Variants in HDX observed in about 807,000 individuals in gnomAD.
The protein encoded by HDX is highly divergent homeobox.
A neutral mutation model predicts 45.2 loss-of-function variants in HDX; 19 were observed. The observed-to-expected ratio is 0.42, with a 90% confidence interval of 0.29 to 0.62. The LOEUF (loss-of-function observed/expected upper bound fraction) is 0.62. HDX is among the 20% of genes least tolerant of loss of function. HDX has a pLI of 0.20. For missense variants in HDX, 532 were observed against 493.9 expected, an observed-to-expected ratio of 1.08 and a Z score of -0.73; for synonymous variants, 188 against 172.8, an observed-to-expected ratio of 1.09 and a Z score of -0.69.
At chrX:84,399,633 G>C (rs1219609050) in intron 5 of HDX, among the ~76,000 whole-genome samples, 1 of 111,285 alleles carries the variant, frequency 9.0e-6, no homozygotes, top group African/African-American at 3.3e-5. Flanking sequence ...TCTACCAGAG[G>C]TACAACAAGG....
At chrX:84,373,446 G>A (rs1218283046) in intron 5 of HDX, among the ~76,000 whole-genome samples, 2 of 111,001 alleles carry the variant, frequency 1.8e-5, no homozygotes, top group Non-Finnish European at 3.8e-5. Flanking sequence ...GCCTGGCAGA[G>A]ACACAACCAA....
In HDX at chrX:84,332,323, C is replaced by G. The variant is rs768487371; in HGVS notation, c.1824+1436G>C. 3.6e-5 allele frequency among the ~76,000 whole-genome samples: 4 copies of G among 111,722 alleles called. No homozygotes were observed. In the East Asian group the frequency reaches 1.1e-3, roughly 32 times the overall value. ...CTTACATAAAACATATTTAAAAAAT[C>G]CCTAATGGGGTAGTGAATGACCCCT... On this transcript the variant is annotated intron_variant, in intron 9 of 10. Coordinates refer to ENST00000373177, the MANE Select transcript of HDX (RefSeq NM_001177479.2).
At chrX:84,446,063 T>C (rs1201322267) in intron 4 of HDX, among the ~76,000 whole-genome samples, 1 of 111,281 alleles carries the variant, frequency 9.0e-6, no homozygotes, top group South Asian at 3.7e-4. Context: ...ACCAAATTCG[T>C]CCTACTGATT....
At chrX:84,415,765 G>C (rs1175929994) in intron 5 of HDX, among the ~76,000 whole-genome samples, 1 of 112,091 alleles carries the variant, frequency 8.9e-6, no homozygotes, top group Non-Finnish European at 1.9e-5. Flanking sequence ...CTGTCCATTT[G>C]ATAATAAGTA....
At chrX:84,335,489 T>G (rs1232755572) in intron 8 of HDX, among the ~76,000 whole-genome samples, 1 of 111,431 alleles carries the variant, frequency 9.0e-6, no homozygotes, top group Non-Finnish European at 1.9e-5. Context: ...ATGCCATGGC[T>G]TCATTCATTA....
At chrX:84,356,693 C>G (rs927488623) in intron 6 of HDX, among the ~76,000 whole-genome samples, 9 of 101,489 alleles carry the variant, frequency 8.9e-5, no homozygotes, top group East Asian at 3.1e-4. Context: ...CGCGATCTCG[C>G]CTCACTGCAA....
intron 7 of HDX, among the ~76,000 whole-genome samples, chrX:84,337,551 TA>T (rs1265775572): frequency 9.0e-6 from 1 of 111,628 alleles, no homozygotes; most frequent in Non-Finnish European, 1.9e-5. Flanking sequence ...ATCTATGATA[TA>T]AAACCATAAA....
intron 1 of HDX, among the ~76,000 whole-genome samples, chrX:84,498,297 G>A (rs1384587467): frequency 8.9e-6 from 1 of 111,894 alleles, no homozygotes; most frequent in Admixed American, 9.5e-5. Context: ...GTTGGCACAA[G>A]AATGACCTCA....
At chrX:84,411,664 T>C (rs2038988998) in intron 5 of HDX, among the ~76,000 whole-genome samples, 1 of 111,384 alleles carries the variant, frequency 9.0e-6, no homozygotes, top group South Asian at 3.8e-4. Context: ...GAAAGCTCTC[T>C]AGATTTCTAT....
intron 4 of HDX, among the ~76,000 whole-genome samples, chrX:84,460,300 C>T (rs1046045085): frequency 7.2e-5 from 8 of 111,680 alleles, no homozygotes; most frequent in Admixed American, 2.9e-4. Context: ...CAACAAAATA[C>T]TAGCAAATCG....
At chrX:84,474,424 A>G (rs1178725184) in intron 3 of HDX, among the ~76,000 whole-genome samples, 1 of 112,543 alleles carries the variant, frequency 8.9e-6, no homozygotes, top group Non-Finnish European at 1.9e-5. Context: ...GATTATTCTT[A>G]TTAAAATATA....
intron 5 of HDX, among the ~76,000 whole-genome samples, chrX:84,417,191 A>G (rs1004713490): frequency 3.0e-5 from 3 of 98,625 alleles, no homozygotes; most frequent in African/African-American, 1.1e-4. Context: ...AGAAAGAGAG[A>G]GAAAGAAAGA....
intron 5 of HDX, among the ~76,000 whole-genome samples, chrX:84,421,346 G>T (rs925008630): frequency 3.6e-5 from 4 of 111,390 alleles, no homozygotes; most frequent in African/African-American, 1.3e-4. Flanking sequence ...TGCAAGCAGG[G>T]TTAAGTTGTT....
chrX:84,321,816 G>A lies in HDX; in HGVS notation c.*73C>T, dbSNP rs937862091. The A allele has an allele frequency of 2.3e-6, 2 of 862,054 alleles. No individual in the cohort carries two copies. Among genetic ancestry groups the A allele is most frequent in the African/African-American group, 4.1e-5 (2 of 48,419 alleles). The allele number at this position is 862,054 out of a possible 1,213,427, so 71.0% of individuals were successfully genotyped here. On this transcript the variant is annotated 3_prime_UTR_variant, in exon 11 of 11. Transcript: ENST00000373177. ...CCAACTAAAGAATACCAGGGCAACA[G>A]AATGCAGTTATCTTGAAATGCACAC... is the stretch of plus-strand genomic sequence containing the variant.
At position 84,326,266 on chromosome X, in the gene HDX, T is replaced by G. The variant is rs766085548; in HGVS notation, c.1859A>C (p.Glu620Ala). 3 of 1,189,165 alleles carry G rather than the reference T, an allele frequency of 2.5e-6. No homozygotes were observed. The Admixed American group carries it at 6.6e-5, about 26-fold the overall frequency. ...EEVKFIENEL[E>A]IQKQKYFKLQ... ...TTTAAAGTATTTTTGCTTTTGAATC[T>G]CGAGCTCATTTTCAATGAATTTGAC... Residue 620 changes from glutamate to alanine, a missense_variant, in exon 10 of 11, where the codon GAG (glutamate) becomes GCG (alanine). Coordinates refer to ENST00000373177, the MANE Select transcript of HDX (RefSeq NM_001177479.2).
At chrX:84,446,085 C>T (rs747031696) in intron 4 of HDX, among the ~76,000 whole-genome samples, 1 of 110,961 alleles carries the variant, frequency 9.0e-6, no homozygotes, top group Non-Finnish European at 1.9e-5. Context: ...TTGAGATATT[C>T]CCTGTTAAAA....
intron 2 of HDX, among the ~76,000 whole-genome samples, chrX:84,482,937 A>G (rs1334022029): frequency 8.9e-6 from 1 of 112,042 alleles, no homozygotes; most frequent in Non-Finnish European, 1.9e-5. Flanking sequence ...TGGCCAAAAT[A>G]AATGGGCTAT....
rs939218025 is a variant in HDX at position 84,368,956 on chromosome X, G to T, written c.1306-7344C>A. 3.6e-5 allele frequency among the ~76,000 whole-genome samples: 4 copies of T among 110,782 alleles called. No homozygotes were observed. In the Admixed American group the frequency reaches 3.9e-4, roughly 11 times the overall value. On this transcript the variant is annotated intron_variant, in intron 5 of 10. Coordinates refer to ENST00000373177, the MANE Select transcript of HDX (RefSeq NM_001177479.2). The stretch of plus-strand genomic sequence containing the variant: ...CCTATGATAATTGAGTGCCGCCACT[G>T]ATCTGTCAGGAGGCAGAGCTCAGGC...
intron 5 of HDX, among the ~76,000 whole-genome samples, chrX:84,379,002 G>A (rs1226049551): frequency 9.1e-6 from 1 of 110,412 alleles, no homozygotes; most frequent in Non-Finnish European, 1.9e-5. Flanking sequence ...AAGATTAGGA[G>A]TTGCTATACT....
Sources: gnomAD v4.1 joint callset for allele counts (sites outside exome capture counted in the v4.1 genomes callset) on GRCh38, gnomAD v4.1.1 for gene constraint, MANE v1.5 for transcripts, NCBI Gene and HGNC (gene_info 2026-07-23, HGNC 2026-07-21) for gene names.